EFR3B: variants seen among roughly 807,000 people sequenced by gnomAD.
The protein encoded by EFR3B is EFR3 homolog B, also known as protein EFR3 homolog B.
A neutral mutation model predicts 104.7 loss-of-function variants in EFR3B; 64 were observed. That is an observed-to-expected ratio of 0.61 (90% CI 0.50 to 0.75). The LOEUF is 0.75. EFR3B is among the 30% of genes least tolerant of loss of function. EFR3B has a pLI of 0.00. For synonymous variants in EFR3B, 385 were observed against 417.9 expected, an observed-to-expected ratio of 0.92 and a Z score of 0.96; for missense variants, 750 against 1,078.5, an observed-to-expected ratio of 0.70 and a Z score of 4.27.
intron 21 of EFR3B, among the ~76,000 whole-genome samples, chr2:25,153,317 G>A (rs368642464): frequency 2.0e-5 from 3 of 152,130 alleles, no homozygotes; most frequent in East Asian, 1.9e-4. Flanking sequence ...TCATGCCACC[G>A]CACTCCAGCC....
chr2:25,081,317 T>G (rs1283700433), intron 1 of EFR3B: 15 of 914,452 alleles, frequency 1.6e-5, no homozygotes, highest in Non-Finnish European at 2.6e-5. Context: ...TCATCTCAAC[T>G]TCTTTTGAAC....
chr2:25,093,819 A>G (rs991567636), intron 3 of EFR3B, among the ~76,000 whole-genome samples: 10 of 152,214 alleles, frequency 6.6e-5, no homozygotes, highest in Non-Finnish European at 1.3e-4. Context: ...TCTACATTCT[A>G]GTAAGAAGAC....
chr2:25,143,074 C>T (rs1573235115), intron 17 of EFR3B, among the ~76,000 whole-genome samples: 2 of 151,162 alleles, frequency 1.3e-5, no homozygotes, highest in East Asian at 2.0e-4. Flanking sequence ...GGTGAAACCC[C>T]GTCTCTACTA....
At chr2:25,082,317 C>T (rs1241981385) in intron 1 of EFR3B, among the ~76,000 whole-genome samples, 3 of 152,180 alleles carry the variant, frequency 2.0e-5, no homozygotes, top group South Asian at 4.1e-4. Context: ...GGAGTGAGGA[C>T]AAGGCAGGCT....
In EFR3B at chr2:25,093,009, C is replaced by T; in HGVS notation, c.91C>T (p.Leu31=). ...AAGCTGTTTTCTCCTACAGGATGGTCTGGTGAAGACCAACATGGAGAAGCT... is the reference window on the plus strand; with the variant it reads ...AAGCTGTTTTCTCCTACAGGATGGTTTGGTGAAGACCAACATGGAGAAGCT... ...NIFPEDPEDG[L]VKTNMEKLTF... The change falls in exon 3 of 23, where the codon CTG becomes TTG. Residue 31 remains leucine (L), a synonymous_variant. Transcript: ENST00000403714. The T allele has an allele frequency of 6.5e-7, 1 of 1,545,984 alleles. No homozygotes were observed. The highest frequency in any genetic ancestry group is 8.7e-7 in the Non-Finnish European group (1 of 1,146,926).
At chr2:25,093,687 C>T (rs1420836002) in intron 3 of EFR3B, among the ~76,000 whole-genome samples, 1 of 152,020 alleles carries the variant, frequency 6.6e-6, no homozygotes, top group Admixed American at 6.6e-5. Context: ...CTTGCGTTTC[C>T]ATACAGAAGC....
intron 1 of EFR3B, among the ~76,000 whole-genome samples, chr2:25,043,207 A>G (rs540475956): frequency 3.6e-4 from 55 of 152,272 alleles, no homozygotes; most frequent in Non-Finnish European, 4.4e-4. Flanking sequence ...CCCGGTAGAC[A>G]TAAGTCCATG....
intron 1 of EFR3B, among the ~76,000 whole-genome samples, chr2:25,088,526 T>C (rs901750794): frequency 6.6e-6 from 1 of 152,010 alleles, no homozygotes; most frequent in Non-Finnish European, 1.5e-5. Flanking sequence ...CCAGCTGGCA[T>C]GGATGGAAGG....
chr2:25,053,775 C>T (rs1017207177), intron 1 of EFR3B, among the ~76,000 whole-genome samples: 2 of 152,162 alleles, frequency 1.3e-5, no homozygotes, highest in African/African-American at 4.8e-5. Context: ...GGCATGGTGG[C>T]ATGTGCCTGT....
intron 1 of EFR3B, among the ~76,000 whole-genome samples, chr2:25,068,126 T>G (rs1377543021): frequency 6.6e-6 from 1 of 152,200 alleles, no homozygotes; most frequent in African/African-American, 2.4e-5. Context: ...GCATCCATGC[T>G]TCTCCTGTGG....
At position 25,057,950 on chromosome 2, in the gene EFR3B, C is replaced by G. The variant is rs542431632; in HGVS notation, c.7+15631C>G. The stretch of plus-strand genomic sequence containing the variant: ...TAACCTCCAGAATGTATAAAGAGCA[C>G]CTATAACTCAACAAAAACAAGCAAC... On this transcript the variant is annotated intron_variant, in intron 1 of 22. Coordinates refer to ENST00000403714, the MANE Select transcript of EFR3B (RefSeq NM_014971.2). The G allele has an allele frequency of 3.3e-5, 5 of 152,170 alleles. No homozygotes were observed. The East Asian group carries it at 9.6e-4, about 29-fold the overall frequency. 9.4% of individuals were successfully genotyped at this position (152,170 alleles called of 1,614,324 possible).
intron 20 of EFR3B, among the ~76,000 whole-genome samples, chr2:25,151,166 T>TA (rs1407171834): frequency 6.6e-6 from 1 of 152,176 alleles, no homozygotes; most frequent in Non-Finnish European, 1.5e-5. Flanking sequence ...GTAGAAGCCT[T>TA]AAACTAAATG....
rs1669815131 is a variant in EFR3B at position 25,114,805 on chromosome 2, T to C, written c.364-6868T>C. ...CCCTGACCCTGCCTCAGAACATTTC[T>C]ATAGCTGTGGGACCAGTTTACCCTG... On this transcript the variant is annotated intron_variant, in intron 4 of 22. Coordinates refer to ENST00000403714, the MANE Select transcript of EFR3B (RefSeq NM_014971.2). This position sits in a 1 kb window ranked among gnomAD's most constrained non-coding sequence, Gnocchi z 4.0. 6.6e-6 allele frequency among the ~76,000 whole-genome samples: 1 copy of C among 152,236 alleles called. No homozygotes were observed. The highest frequency in any genetic ancestry group is 1.5e-5 in the Non-Finnish European group (1 of 68,042).
At chr2:25,055,589 A>G (rs1667996159) in intron 1 of EFR3B, among the ~76,000 whole-genome samples, 1 of 152,240 alleles carries the variant, frequency 6.6e-6, no homozygotes, top group Non-Finnish European at 1.5e-5. Context: ...AGCTATTCAT[A>G]AAGACTTCTT....
chr2:25,050,486 A>C (rs1231884755), intron 1 of EFR3B, among the ~76,000 whole-genome samples: 1 of 152,170 alleles, frequency 6.6e-6, no homozygotes, highest in Non-Finnish European at 1.5e-5. Flanking sequence ...AACTTAAAAA[A>C]ATTTTTTTCC....
chr2:25,129,101 T>C (rs1670253320), intron 6 of EFR3B, among the ~76,000 whole-genome samples: 1 of 151,024 alleles, frequency 6.6e-6, no homozygotes, highest in Admixed American at 6.6e-5. Flanking sequence ...CGTGCATGCT[T>C]GACCAGCCCG....
intron 21 of EFR3B, 113 bp downstream of exon 21, chr2:25,152,133 C>T: frequency 1.0e-6 from 1 of 982,926 alleles, no homozygotes; most frequent in Non-Finnish European, 1.5e-6. Context: ...CCAACCTCCC[C>T]CACCCCCACC....
intron 1 of EFR3B, chr2:25,081,348 G>T (rs1668800396): frequency 3.3e-6 from 3 of 908,328 alleles, no homozygotes; most frequent in Non-Finnish European, 3.5e-6. Flanking sequence ...CTACTTGTGA[G>T]TCCCAGAGAA....
chr2:25,123,059 CAAAT>C (rs1670065037), intron 5 of EFR3B, among the ~76,000 whole-genome samples: 1 of 152,130 alleles, frequency 6.6e-6, no homozygotes, highest in Non-Finnish European at 1.5e-5. Context: ...CAAAATCTCT[CAAAT>C]AAAATCACAG....
Sources: gnomAD v4.1 joint callset for allele counts (sites outside exome capture counted in the v4.1 genomes callset) on GRCh38, gnomAD v4.1.1 for gene constraint, Gnocchi (gnomAD v3.1) non-coding constraint, MANE v1.5 for transcripts, NCBI Gene and HGNC (gene_info 2026-07-23, HGNC 2026-07-21) for gene names.